PRELID2: variants seen among roughly 807,000 people sequenced by gnomAD.
PRELID2 encodes the protein PRELI domain containing 2, also known as PRELI domain-containing protein 2.
A neutral mutation model predicts 28.4 loss-of-function variants in PRELID2; 25 were observed. The observed-to-expected ratio is 0.88, with a 90% CI of 0.64 to 1.23. The LOEUF (loss-of-function observed/expected upper bound fraction) is 1.23, where lower values mean the gene tolerates loss of function less well. Ranked by LOEUF, PRELID2 falls within the 50% of genes most tolerant of loss-of-function variation. The pLI is 0.00. For synonymous variants in PRELID2, 76 were observed against 71.6 expected (o/e 1.06, Z -0.31); for missense variants, 201 against 214.4 (o/e 0.94, Z 0.39).
chr5:145,539,852 A>G (rs1752731771), intron 1 of PRELID2, among the ~76,000 whole-genome samples: 1 of 151,882 alleles, frequency 6.6e-6, no homozygotes, highest in African/African-American at 2.4e-5. Context: ...AGAACATTTT[A>G]TAGTATTTTT....
intron 1 of PRELID2, among the ~76,000 whole-genome samples, chr5:145,588,480 C>A (rs751049334): frequency 1.3e-5 from 2 of 152,108 alleles, no homozygotes; most frequent in Non-Finnish European, 2.9e-5. Context: ...AATGAATAGA[C>A]CTGTAATCCA....
At chr5:145,304,390 C>A in the PRELID2 span, among the ~76,000 whole-genome samples, 1 of 152,100 alleles carries the variant, frequency 6.6e-6, no homozygotes, top group South Asian at 2.1e-4. Flanking sequence ...ATCTCACTTT[C>A]GAGAGACATG....
chr5:145,605,460 T>C (rs1287425243), intron 1 of PRELID2, among the ~76,000 whole-genome samples: 5 of 152,242 alleles, frequency 3.3e-5, no homozygotes, highest in Admixed American at 6.5e-5. Context: ...TTTTGTCAAC[T>C]TTGTCAAAGA....
intron 4 of PRELID2, among the ~76,000 whole-genome samples, chr5:145,817,220 A>AATATATATATAT (rs1188735131): frequency 4.5e-5 from 3 of 66,496 alleles, no homozygotes; most frequent in African/African-American, 1.2e-4. Flanking sequence ...AATAAAAAAA[A>AATATATATATAT]ATATATATAT....
chr5:145,827,133 G>A (rs1330555193), intron 1 of PRELID2, among the ~76,000 whole-genome samples: 1 of 152,152 alleles, frequency 6.6e-6, no homozygotes, highest in Non-Finnish European at 1.5e-5. Context: ...TAACATACCC[G>A]TGTTATAAGC....
At chr5:145,784,786 GTT>G (rs5871943) in intron 5 of PRELID2, among the ~76,000 whole-genome samples, 8,663 of 143,906 alleles carry the variant, frequency 0.06, 790 homozygotes, top group African/African-American at 0.2. Flanking sequence ...TCCCAACTTT[GTT>G]TTTTTTTTTT....
At chr5:145,728,790 A>G in intron 1 of PRELID2, 2 of 1,140,740 alleles carry the variant, frequency 1.8e-6, no homozygotes, top group Non-Finnish European at 2.7e-6. Flanking sequence ...GTAGGAGTAG[A>G]AGTTGTACGT....
At chr5:145,765,232 T>C (rs1757675142) in intron 5 of PRELID2, among the ~76,000 whole-genome samples, 1 of 152,194 alleles carries the variant, frequency 6.6e-6, no homozygotes, top group African/African-American at 2.4e-5. Flanking sequence ...ACGGAGCTTA[T>C]GATCGCCATT....
chr5:145,396,772 C>T, the PRELID2 span, among the ~76,000 whole-genome samples: 1 of 151,824 alleles, frequency 6.6e-6, no homozygotes, highest in African/African-American at 2.4e-5. Context: ...GGAAGCAAGA[C>T]ACAATAGGAA....
the PRELID2 span, among the ~76,000 whole-genome samples, chr5:145,246,824 T>C: frequency 6.6e-6 from 1 of 152,198 alleles, no homozygotes; most frequent in Non-Finnish European, 1.5e-5. Context: ...TTCCTGGGTG[T>C]AGGCCAAACT....
intron 1 of PRELID2, among the ~76,000 whole-genome samples, chr5:145,744,753 A>G (rs1043097145): frequency 6.6e-6 from 1 of 152,296 alleles, no homozygotes; most frequent in African/African-American, 2.4e-5. Flanking sequence ...AGAGATGAGA[A>G]AGCATCAACA....
chr5:145,513,247 G>A (rs1752480749), intron 1 of PRELID2, among the ~76,000 whole-genome samples: 1 of 151,856 alleles, frequency 6.6e-6, no homozygotes, highest in South Asian at 2.1e-4. Context: ...TTGAAAAAAG[G>A]TTAGACGAAT....
intron 1 of PRELID2, among the ~76,000 whole-genome samples, chr5:145,560,465 A>G (rs539100864): frequency 9.8e-4 from 150 of 152,356 alleles, no homozygotes; most frequent in African/African-American, 3.4e-3. Flanking sequence ...AAGGCTTGTA[A>G]TTGGTAAATT....
intron 1 of PRELID2, among the ~76,000 whole-genome samples, chr5:145,497,754 T>C (rs1752321389): frequency 6.6e-6 from 1 of 152,216 alleles, no homozygotes; most frequent in Admixed American, 6.5e-5. Context: ...GAGGTTTATT[T>C]ACCTGCAGAG....
intron 1 of PRELID2, among the ~76,000 whole-genome samples, chr5:145,573,678 C>T (rs566732042): frequency 6.6e-6 from 1 of 152,314 alleles, no homozygotes; most frequent in East Asian, 1.9e-4. Context: ...AGGACATGAA[C>T]TCATTCCCTT....
intron 1 of PRELID2, among the ~76,000 whole-genome samples, chr5:145,487,193 T>G (rs1466186497): frequency 6.7e-6 from 1 of 150,126 alleles, no homozygotes; most frequent in African/African-American, 2.4e-5. Context: ...TATACATATG[T>G]AACTAACCTG....
the PRELID2 span, among the ~76,000 whole-genome samples, chr5:145,247,391 C>T: frequency 2.6e-5 from 4 of 152,152 alleles, no homozygotes; most frequent in African/African-American, 9.7e-5. Context: ...GACAAATTGG[C>T]TCTGTCTAGG....
chr5:145,638,174 G>GTAC (rs1051379480), intron 1 of PRELID2, among the ~76,000 whole-genome samples: 3 of 152,084 alleles, frequency 2.0e-5, no homozygotes, highest in East Asian at 3.9e-4. Context: ...ATTGATATTG[G>GTAC]TACTACTACT....
chr5:145,299,635 A>ATGTGTG, the PRELID2 span, among the ~76,000 whole-genome samples: 3 of 107,556 alleles, frequency 2.8e-5, no homozygotes, highest in Admixed American at 9.5e-5. Context: ...CTACATATAT[A>ATGTGTG]TGTGTGTGCG....
Sources: gnomAD v4.1 joint callset for allele counts (sites outside exome capture counted in the v4.1 genomes callset) on GRCh38, gnomAD v4.1.1 for gene constraint, MANE v1.5 for transcripts, NCBI Gene and HGNC (gene_info 2026-07-23, HGNC 2026-07-21) for gene names.